Variants in GGACT observed in about 807,000 individuals in gnomAD.
GGACT encodes gamma-glutamylaminecyclotransferase.
For missense variants in GGACT, 241 were observed against 233.2 expected (o/e 1.03, Z -0.22); for synonymous variants, 118 against 115.3 (o/e 1.02, Z -0.15).
intron 2 of GGACT, among the ~76,000 whole-genome samples, chr13:100,577,710 G>C (rs1875294063): frequency 6.6e-6 from 1 of 151,942 alleles, no homozygotes; most frequent in African/African-American, 2.4e-5. Context: ...ATCCCGGGTG[G>C]GTGGCACATG....
At chr13:100,577,626 A>G (rs1172316177) in intron 2 of GGACT, among the ~76,000 whole-genome samples, 1 of 152,182 alleles carries the variant, frequency 6.6e-6, no homozygotes, top group African/African-American at 2.4e-5. Context: ...ACAAGCAAAC[A>G]AAAGTCCAAA....
At chr13:100,533,197 C>T (rs754000599) in intron 2 of GGACT, 12 of 158,380 alleles carry the variant, frequency 7.6e-5, no homozygotes, top group East Asian at 1.9e-4. Context: ...GGCCAGAAGA[C>T]GCCCTGTCCA....
chr13:100,554,470 T>C (rs1290543606), intron 2 of GGACT, among the ~76,000 whole-genome samples: 1 of 152,170 alleles, frequency 6.6e-6, no homozygotes, highest in East Asian at 1.9e-4. Flanking sequence ...GTACAGACCT[T>C]GTTTGGATTC....
intron 2 of GGACT, among the ~76,000 whole-genome samples, chr13:100,581,688 G>A (rs544621681): frequency 6.6e-6 from 1 of 152,278 alleles, no homozygotes; most frequent in African/African-American, 2.4e-5. Context: ...TCCTTTCAGA[G>A]CACAGTATGA....
At chr13:100,549,579 G>C (rs1256761295) in intron 2 of GGACT, among the ~76,000 whole-genome samples, 1 of 152,232 alleles carries the variant, frequency 6.6e-6, no homozygotes, top group African/African-American at 2.4e-5. Flanking sequence ...CAGGGAGCTG[G>C]GTCAGGGCCC....
chr13:100,565,085 T>C (rs2088799576), intron 2 of GGACT, among the ~76,000 whole-genome samples: 1 of 152,234 alleles, frequency 6.6e-6, no homozygotes, highest in Non-Finnish European at 1.5e-5. Flanking sequence ...GCCGCCTCCT[T>C]CCCAATCTTT....
intron 2 of GGACT, among the ~76,000 whole-genome samples, chr13:100,576,994 G>C (rs1378112089): frequency 1.3e-5 from 2 of 152,168 alleles, no homozygotes; most frequent in African/African-American, 4.8e-5. Context: ...AAAAGAATAA[G>C]AACACTCTGA....
chr13:100,547,305 G>A (rs567782149), intron 2 of GGACT, among the ~76,000 whole-genome samples: 2 of 152,326 alleles, frequency 1.3e-5, no homozygotes, highest in East Asian at 1.9e-4. Flanking sequence ...CAGACCAGAG[G>A]GGGTGGGGTA....
At chr13:100,555,729 G>T (rs1357528253) in intron 2 of GGACT, among the ~76,000 whole-genome samples, 1 of 152,056 alleles carries the variant, frequency 6.6e-6, no homozygotes. Flanking sequence ...AAACATAAAT[G>T]TAAGAGTCTT....
intron 2 of GGACT, among the ~76,000 whole-genome samples, chr13:100,576,597 G>A (rs1188429284): frequency 2.6e-5 from 4 of 152,208 alleles, no homozygotes; most frequent in African/African-American, 9.6e-5. Flanking sequence ...AGACGATGGC[G>A]ATAAGAAAGG....
rs745891545 is a variant in GGACT, at chr13:100,530,191, AC to A, written c.*1938del. 13 of 1,580,532 alleles carry A rather than the reference AC, an allele frequency of 8.2e-6. No homozygotes were observed. The highest frequency in any genetic ancestry group is 1.1e-5 in the Non-Finnish European group (13 of 1,149,784). On this transcript the variant is annotated 3_prime_UTR_variant, in exon 3 of 3. Transcript: ENST00000683975. Reference sequence around the variant, plus strand: ...AAGGATTTATAACCTTTCAGTCATCACCCAATTTAATTAGCCATTTGCATGA... The same window carrying A: ...AAGGATTTATAACCTTTCAGTCATCACCAATTTAATTAGCCATTTGCATGA...
At chr13:100,562,329 T>A (rs1014770163) in intron 2 of GGACT, among the ~76,000 whole-genome samples, 9 of 151,904 alleles carry the variant, frequency 5.9e-5, no homozygotes, top group East Asian at 1.9e-4. Flanking sequence ...GAAAAAAAAA[T>A]TTTTCCTTGC....
intron 2 of GGACT, among the ~76,000 whole-genome samples, chr13:100,573,752 T>G (rs1264146613): frequency 2.0e-5 from 3 of 152,044 alleles, no homozygotes. Flanking sequence ...GAACAGACAC[T>G]TCTGAAAAGA....
chr13:100,570,950 C>T (rs1042375455), intron 2 of GGACT, among the ~76,000 whole-genome samples: 1 of 152,114 alleles, frequency 6.6e-6, no homozygotes, highest in Non-Finnish European at 1.5e-5. Context: ...TGATTGGCCT[C>T]CCCGAGAGAT....
At chr13:100,561,780 G>A (rs1436592474) in intron 2 of GGACT, among the ~76,000 whole-genome samples, 1 of 152,216 alleles carries the variant, frequency 6.6e-6, no homozygotes, top group Non-Finnish European at 1.5e-5. Flanking sequence ...TGGGGCTCAC[G>A]ACCTTGGCAA....
Position 100,532,457 on chromosome 13 carries a change from C to G in GGACT, c.135G>C (p.Ala45=), listed in dbSNP as rs922694302. The G allele has an allele frequency of 1.7e-5, 26 of 1,549,636 alleles. No individual in the cohort carries two copies. Among genetic ancestry groups the G allele is most frequent in the Middle Eastern group, 3.3e-4 (2 of 6,014 alleles). ...RTLEPYPLVI[A]GEHNIPWLLH... is the part of the protein sequence containing the mutation. ...GCAGCCACGGGATGTTGTGCTCCCC[C>G]GCGATCACCAACGGGTAGGGCTCCA... Residue 45 remains alanine (A), a synonymous_variant, in exon 3 of 3, where the codon GCG becomes GCC. Transcript: ENST00000683975.
At chr13:100,550,423 C>T (rs1339217545) in intron 2 of GGACT, among the ~76,000 whole-genome samples, 1 of 77,552 alleles carries the variant, frequency 1.3e-5, no homozygotes, top group Admixed American at 1.6e-4. Context: ...ACTCTACACA[C>T]ACACACACAC....
chr13:100,565,328 A>G (rs1025883005), intron 2 of GGACT, among the ~76,000 whole-genome samples: 1 of 152,222 alleles, frequency 6.6e-6, no homozygotes, highest in Admixed American at 6.5e-5. Flanking sequence ...GGTATTTTAA[A>G]GCCTGGTCCA....
intron 2 of GGACT, among the ~76,000 whole-genome samples, chr13:100,546,450 A>T (rs1158772892): frequency 7.6e-6 from 1 of 132,062 alleles, no homozygotes; most frequent in Non-Finnish European, 1.6e-5. Flanking sequence ...ATGCACTGAA[A>T]CTTAAAACTG....
Sources: gnomAD v4.1 joint callset for allele counts (sites outside exome capture counted in the v4.1 genomes callset) on GRCh38, gnomAD v4.1.1 for gene constraint, MANE v1.5 for transcripts, NCBI Gene and HGNC (gene_info 2026-07-23, HGNC 2026-07-21) for gene names.